The following RARB variants were observed in gnomAD, a reference collection of about 807,000 sequenced individuals.
The protein encoded by RARB is retinoic acid receptor beta.
RARB carries 17 observed loss-of-function variants against 51.9 expected under a neutral mutation model. The ratio of observed to expected loss-of-function variants is 0.33; its 90% confidence interval spans 0.22 to 0.49. The LOEUF is 0.49. RARB is among the 20% of genes least tolerant of loss of function. The probability of loss-of-function intolerance (pLI) is 0.99; values close to 1 mark genes in which losing one functional copy is unlikely to be tolerated. For synonymous variants in RARB, 215 were observed against 195.4 expected, an observed-to-expected ratio of 1.10 and a Z score of -0.84; for missense variants, 369 against 550.8, an observed-to-expected ratio of 0.67 and a Z score of 3.30.
At chr3:24,839,814 T>A (rs1276117168) in intron 1 of RARB, among the ~76,000 whole-genome samples, 1 of 149,700 alleles carries the variant, frequency 6.7e-6, no homozygotes, top group Non-Finnish European at 1.5e-5. Flanking sequence ...AGGGAGAGAA[T>A]ATCCTTTTAA....
chr3:24,985,182 C>T (rs1257082168), intron 2 of RARB, among the ~76,000 whole-genome samples: 1 of 152,100 alleles, frequency 6.6e-6, no homozygotes, highest in Non-Finnish European at 1.5e-5. Flanking sequence ...CCCTTTTACT[C>T]GTTCACATAC....
chr3:25,283,864 A>C, intron 5 of RARB, among the ~76,000 whole-genome samples: 1 of 152,190 alleles, frequency 6.6e-6, no homozygotes, highest in South Asian at 2.1e-4. Flanking sequence ...AGCCTTCTCT[A>C]GTAGCGCTCA....
chr3:25,392,080 T>C (rs907514223), intron 5 of RARB, among the ~76,000 whole-genome samples: 3 of 152,130 alleles, frequency 2.0e-5, no homozygotes, highest in Non-Finnish European at 2.9e-5. Context: ...AAGTGAGAGA[T>C]CAGGATCCAG....
intron 5 of RARB, among the ~76,000 whole-genome samples, chr3:25,356,475 T>G (rs570460194): frequency 6.6e-6 from 1 of 152,216 alleles, no homozygotes; most frequent in Non-Finnish European, 1.5e-5. Flanking sequence ...TTTAATAATT[T>G]ACATGAAAGA....
In RARB at chr3:25,225,640, G is replaced by GA. The variant is rs537038814; in HGVS notation, c.178+51072dup. Among the ~76,000 whole-genome samples, 71 of 152,150 alleles carry GA rather than the reference G, an allele frequency of 4.7e-4. 1 individual carries two copies. In the East Asian group the frequency reaches 8.3e-3, roughly 18 times the overall value. On this transcript the variant is annotated intron_variant, in intron 5 of 11. Coordinates refer to the RARB transcript ENST00000383772. ...GTCATGACTTGACATGGAATTTCATGAAAAAAATGTTAAAAGTGAGAGAGA... is the reference window on the plus strand; with the variant it reads ...GTCATGACTTGACATGGAATTTCATGAAAAAAAATGTTAAAAGTGAGAGAGA...
At chr3:25,478,993 T>C (rs1432625305) in intron 2 of RARB, among the ~76,000 whole-genome samples, 1 of 152,328 alleles carries the variant, frequency 6.6e-6, no homozygotes, top group Admixed American at 6.5e-5. Flanking sequence ...TGAACTCCTG[T>C]TGACTCTGAC....
At chr3:25,361,983 T>C (rs1449757656) in intron 5 of RARB, among the ~76,000 whole-genome samples, 1 of 152,222 alleles carries the variant, frequency 6.6e-6, no homozygotes, top group African/African-American at 2.4e-5. Context: ...GGAGGCAGTC[T>C]GTCCCTTAAC....
chr3:25,470,844 T>G (rs965339305), intron 2 of RARB, among the ~76,000 whole-genome samples: 1 of 152,154 alleles, frequency 6.6e-6, no homozygotes, highest in African/African-American at 2.4e-5. Flanking sequence ...TACCAAGTCA[T>G]TAGTTTAATG....
At position 25,492,901 on chromosome 3, in the gene RARB, C is replaced by T. The variant is rs117625536; in HGVS notation, c.307-8281C>T. Among the ~76,000 whole-genome samples the T allele has an allele frequency of 2.4e-3, 372 of 152,078 alleles. 11 individuals are homozygous for T. In the East Asian group the frequency reaches 0.06, roughly 25 times the overall value. Reference sequence around the variant, plus strand: ...GTTAGCAGGCAAGAGGTGCTATAGACTAACAGATCTTATAGAAGCCATGGC... The same window carrying T: ...GTTAGCAGGCAAGAGGTGCTATAGATTAACAGATCTTATAGAAGCCATGGC... On this transcript the variant is annotated intron_variant, in intron 2 of 7. Transcript: ENST00000330688.
chr3:24,879,167 C>T (rs866267647), intron 2 of RARB, among the ~76,000 whole-genome samples: 10 of 152,190 alleles, frequency 6.6e-5, no homozygotes, highest in Middle Eastern at 3.4e-3. Context: ...CGGTGGCTCA[C>T]GCCTGTAATC....
At chr3:25,090,090 G>C (rs1157219578) in intron 3 of RARB, among the ~76,000 whole-genome samples, 2 of 152,128 alleles carry the variant, frequency 1.3e-5, no homozygotes, top group African/African-American at 4.8e-5. Context: ...TGAAAGCACA[G>C]AATAACACAG....
At chr3:25,503,012 G>A (rs1697395144) in intron 3 of RARB, among the ~76,000 whole-genome samples, 1 of 152,192 alleles carries the variant, frequency 6.6e-6, no homozygotes, top group South Asian at 2.1e-4. Context: ...AGAATGGACT[G>A]GGTCATCAGA....
intron 2 of RARB, among the ~76,000 whole-genome samples, chr3:25,490,224 A>T (rs1232500050): frequency 1.3e-5 from 2 of 152,224 alleles, no homozygotes; most frequent in East Asian, 1.9e-4. Context: ...CAGTGAGAAG[A>T]TTCCAACATG....
chr3:25,263,025 A>C (rs1703043578), intron 5 of RARB, among the ~76,000 whole-genome samples: 1 of 152,170 alleles, frequency 6.6e-6, no homozygotes, highest in African/African-American at 2.4e-5. Flanking sequence ...GGTAATTCAA[A>C]TGTCTAGTGA....
At chr3:25,139,066 T>A (rs779850069) in intron 4 of RARB, among the ~76,000 whole-genome samples, 1 of 152,136 alleles carries the variant, frequency 6.6e-6, no homozygotes, top group Non-Finnish European at 1.5e-5. Flanking sequence ...GGGAACTTAA[T>A]TGATAAATAG....
At chr3:25,096,698 G>A (rs1325844641) in intron 3 of RARB, among the ~76,000 whole-genome samples, 4 of 152,168 alleles carry the variant, frequency 2.6e-5, no homozygotes, top group Admixed American at 1.3e-4. Context: ...TACCTGGGCT[G>A]AGTGGGTGTG....
intron 3 of RARB, among the ~76,000 whole-genome samples, chr3:25,097,955 A>G (rs1233876576): frequency 6.6e-6 from 1 of 152,154 alleles, no homozygotes; most frequent in African/African-American, 2.4e-5. Flanking sequence ...CCTACCTTTA[A>G]CTTGTTTAAA....
chr3:25,555,689 C>T (rs143122360), intron 3 of RARB: 5 of 152,124 alleles, frequency 3.3e-5, no homozygotes, highest in African/African-American at 7.2e-5. Context: ...ACTGCCTTCC[C>T]CCTAGATCCC....
chr3:25,548,834 T>C (rs1254930174), intron 3 of RARB, among the ~76,000 whole-genome samples: 2 of 152,136 alleles, frequency 1.3e-5, no homozygotes, highest in Non-Finnish European at 2.9e-5. Flanking sequence ...TTCTAAAAAT[T>C]TTTTCCAATA....
Sources: gnomAD v4.1 joint callset for allele counts (sites outside exome capture counted in the v4.1 genomes callset) on GRCh38, gnomAD v4.1.1 for gene constraint, MANE v1.5 for transcripts, NCBI Gene and HGNC (gene_info 2026-07-23, HGNC 2026-07-21) for gene names.